The following XK variants were observed in gnomAD, a reference collection of about 807,000 sequenced individuals.
XK encodes endoplasmic reticulum membrane adapter protein XK.
Under a neutral mutation model 14.0 loss-of-function variants are expected in XK, and 2 were observed. That is an observed-to-expected ratio of 0.14 (90% CI 0.06 to 0.45). XK has a LOEUF of 0.45. Ranked by LOEUF, XK falls within the 20% of genes least tolerant of loss-of-function variation. The pLI is 0.98. For synonymous variants in XK, 149 were observed against 147.5 expected, an observed-to-expected ratio of 1.01 and a Z score of -0.08; for missense variants, 235 against 341.5, an observed-to-expected ratio of 0.69 and a Z score of 2.46.
intron 2 of XK, among the ~76,000 whole-genome samples, chrX:37,708,462 G>T (rs1406312100): frequency 2.7e-5 from 3 of 111,864 alleles, no homozygotes; most frequent in Admixed American, 9.4e-5. Context: ...CTTCAGCCCA[G>T]CCAAACTGAT....
At chrX:37,712,863 C>T (rs1454291332) in intron 2 of XK, among the ~76,000 whole-genome samples, 3 of 112,019 alleles carry the variant, frequency 2.7e-5, no homozygotes, top group African/African-American at 9.7e-5. Flanking sequence ...GAATATGCAA[C>T]TAAAAGCAAT....
intron 2 of XK, among the ~76,000 whole-genome samples, chrX:37,715,038 A>C (rs1038323053): frequency 4.5e-5 from 5 of 110,204 alleles, no homozygotes; most frequent in South Asian, 3.8e-4. Context: ...ATATATATAT[A>C]TCTCCAAATA....
At chrX:37,708,217 C>T (rs188835927) in intron 2 of XK, among the ~76,000 whole-genome samples, 92 of 110,809 alleles carry the variant, frequency 8.3e-4, no homozygotes, top group Middle Eastern at 4.6e-3. Context: ...AGAGGGAGAC[C>T]GTGGGGAGAG....
Position 37,700,337 on chromosome X carries a change from G to A in XK, c.508+5789G>A, listed in dbSNP as rs142658530. 1.8e-3 allele frequency among the ~76,000 whole-genome samples: 197 copies of A among 111,628 alleles called. 2 individuals are homozygous for A. The highest frequency in any genetic ancestry group is 6.1e-3 in the African/African-American group (187 of 30,676). ...ATGCTTGGGTCTGAGAACCTGGCAG[G>A]ACTTCATCAACAATTTCATCCAGCC... is the stretch of plus-strand genomic sequence containing the variant. On this transcript the variant is annotated intron_variant, in intron 2 of 2. Coordinates refer to ENST00000378616, the MANE Select transcript of XK (RefSeq NM_021083.4).
intron 2 of XK, among the ~76,000 whole-genome samples, chrX:37,711,761 A>G (rs1927671824): frequency 9.0e-6 from 1 of 111,322 alleles, no homozygotes. Context: ...TGATAATTTG[A>G]ATCACAGTTG....
At chrX:37,710,728 T>A (rs1382295047) in intron 2 of XK, among the ~76,000 whole-genome samples, 1 of 112,591 alleles carries the variant, frequency 8.9e-6, no homozygotes, top group Non-Finnish European at 1.9e-5. Context: ...GAAACAAAAC[T>A]TCTTGTATGA....
rs1052018359 is a variant in XK, at chrX:37,730,980, A to G, written c.*2518A>G. On this transcript the variant is annotated 3_prime_UTR_variant, in exon 3 of 3. Coordinates refer to ENST00000378616, the MANE Select transcript of XK (RefSeq NM_021083.4). ...ATACAGGTATCCCAGCTTTGGGCAC[A>G]TGTATGTCCATTCACTTTCAGGAAG... 17 of 111,645 alleles carry G rather than the reference A, an allele frequency of 1.5e-4. No individual in the cohort carries two copies. Among genetic ancestry groups the G allele is most frequent in the African/African-American group, 5.5e-4 (17 of 30,719 alleles). 9.2% of individuals were successfully genotyped at this position (111,645 alleles called of 1,213,427 possible). A position where few individuals can be genotyped will look rare whatever the true frequency, so the allele number is the denominator to read the frequency against.
Sources: allele counts gnomAD v4.1 joint callset (sites outside exome capture counted in the v4.1 genomes callset), GRCh38; gene constraint gnomAD v4.1.1; transcripts MANE v1.5; gene names NCBI Gene and HGNC (gene_info 2026-07-23, HGNC 2026-07-21).